The following DENND4C variants were observed in gnomAD, a reference collection of about 807,000 sequenced individuals.
DENND4C encodes DENN domain-containing protein 4C.
Under a neutral mutation model 203.0 loss-of-function variants are expected in DENND4C, and 108 were observed. The observed-to-expected ratio is 0.53, with a 90% CI of 0.46 to 0.62. DENND4C has a LOEUF of 0.62. DENND4C is among the 20% of genes least tolerant of loss of function. DENND4C has a pLI of 0.00. For missense variants in DENND4C, 2,481 were observed against 2,301.2 expected (o/e 1.08, Z -1.60); for synonymous variants, 871 against 792.4 (o/e 1.10, Z -1.67).
chr9:19,279,502 C>G (rs1833597203), intron 2 of DENND4C, among the ~76,000 whole-genome samples: 1 of 151,954 alleles, frequency 6.6e-6, no homozygotes, highest in Non-Finnish European at 1.5e-5. Context: ...TGGTGAAACC[C>G]CCTCTTTACT....
At chr9:19,256,515 G>A (rs1463331236) in intron 1 of DENND4C, among the ~76,000 whole-genome samples, 3 of 151,588 alleles carry the variant, frequency 2.0e-5, no homozygotes, top group African/African-American at 4.8e-5. Context: ...AGGTTTCTCT[G>A]TGTTGGTTAG....
At chr9:19,301,283 G>T (rs1310989938) in intron 9 of DENND4C, among the ~76,000 whole-genome samples, 1 of 152,006 alleles carries the variant, frequency 6.6e-6, no homozygotes, top group African/African-American at 2.4e-5. Flanking sequence ...TCACCCATTA[G>T]TTGTTTAATT....
chr9:19,345,958 AG>A lies in DENND4C; in HGVS notation c.3190del (p.Val1064LeufsTer58). On this transcript the variant is annotated frameshift_variant, in exon 23 of 33. Coordinates refer to ENST00000434457, the MANE Select transcript of DENND4C (RefSeq NM_001330640.2). LOFTEE classifies it high-confidence loss of function. ...SNVLFSTQDP[V>X]EDAVFGEATN... ...ATGTGCTGTTTTCTACTCAAGATCC[AG>A]TTGAAGATGCAGTCTTTGGCGAAGC... The A allele has an allele frequency of 1.2e-6, 2 of 1,613,816 alleles. No individual in the cohort carries two copies. Among genetic ancestry groups the A allele is most frequent in the Non-Finnish European group, 1.7e-6 (2 of 1,179,968 alleles).
intron 12 of DENND4C, among the ~76,000 whole-genome samples, chr9:19,320,088 T>A (rs1444693724): frequency 1.3e-5 from 2 of 152,174 alleles, no homozygotes; most frequent in Non-Finnish European, 2.9e-5. Flanking sequence ...AAATTTTAAA[T>A]TATTTTAGTA....
intron 8 of DENND4C, 114 bp from the exon 9 acceptor site, chr9:19,300,068 TAAGTA>T (rs1838243132): frequency 2.9e-6 from 3 of 1,027,360 alleles, no homozygotes; most frequent in Admixed American, 3.0e-5. Flanking sequence ...CATTGATAAA[TAAGTA>T]AAGACTAGAA....
At chr9:19,243,900 C>T (rs1256456651) in intron 1 of DENND4C, among the ~76,000 whole-genome samples, 2 of 152,210 alleles carry the variant, frequency 1.3e-5, no homozygotes, top group Non-Finnish European at 1.5e-5. Context: ...CAGCCTCGAC[C>T]TTCCAGGCTC....
At chr9:19,284,496 A>T (rs1834798745) in intron 2 of DENND4C, among the ~76,000 whole-genome samples, 1 of 152,202 alleles carries the variant, frequency 6.6e-6, no homozygotes. Context: ...GCTGGATTAA[A>T]AGATAAATGT....
chr9:19,285,295 C>G (rs1278276946), intron 2 of DENND4C, among the ~76,000 whole-genome samples: 1 of 152,064 alleles, frequency 6.6e-6, no homozygotes, highest in Admixed American at 6.6e-5. Flanking sequence ...GTTTTAACAG[C>G]TTTATGGAGA....
chr9:19,303,561 A>T (rs1309693915), intron 9 of DENND4C, among the ~76,000 whole-genome samples: 1 of 152,206 alleles, frequency 6.6e-6, no homozygotes, highest in African/African-American at 2.4e-5. Context: ...TATAAACCTC[A>T]TGAGGAGAGT....
rs138607993 is a variant in DENND4C, at chr9:19,326,128, A to C, written c.2054A>C (p.His685Pro). Reference sequence around the variant, plus strand: ...CTAGATGATTCACAGAAAAGTGAGCATACTGTATTTATAATGCCGCCAGAG... The same window carrying C: ...CTAGATGATTCACAGAAAAGTGAGCCTACTGTATTTATAATGCCGCCAGAG... ...IELDDSQKSE[H>P]TVFIMPPEPP... The change falls in exon 15 of 33, where the codon CAT becomes CCT. Residue 685 changes from histidine to proline, a missense_variant. Coordinates refer to ENST00000434457, the MANE Select transcript of DENND4C (RefSeq NM_001330640.2). 1.5e-5 allele frequency: 24 copies of C among 1,613,604 alleles called. No individual in the cohort carries two copies. In the East Asian group the frequency reaches 5.4e-4, roughly 36 times the overall value.
At chr9:19,351,565 C>T (rs936217265) in intron 24 of DENND4C, among the ~76,000 whole-genome samples, 5 of 151,962 alleles carry the variant, frequency 3.3e-5, no homozygotes, top group Non-Finnish European at 5.9e-5. Context: ...CCTAGCACTT[C>T]GGGAGGCAAG....
chr9:19,318,559 A>G (rs943055629), intron 12 of DENND4C, among the ~76,000 whole-genome samples: 1 of 152,232 alleles, frequency 6.6e-6, no homozygotes, highest in Non-Finnish European at 1.5e-5. Flanking sequence ...TGGGGCTGCC[A>G]TAACAAAGTA....
At chr9:19,271,375 AT>A (rs1831630881) in intron 1 of DENND4C, among the ~76,000 whole-genome samples, 1 of 151,796 alleles carries the variant, frequency 6.6e-6, no homozygotes, top group Non-Finnish European at 1.5e-5. Context: ...AATGTTTTGT[AT>A]TTTTAGTAAA....
At chr9:19,298,726 C>T (rs1054816104) in intron 7 of DENND4C, among the ~76,000 whole-genome samples, 1 of 152,150 alleles carries the variant, frequency 6.6e-6, no homozygotes, top group Non-Finnish European at 1.5e-5. Flanking sequence ...TAACAATTAA[C>T]TTACTGACAT....
chr9:19,296,189 T>G lies in DENND4C; in HGVS notation c.983T>G (p.Phe328Cys). ...HWPFFEAFRK[F>C]LMFIYKLSVS... ...CCTTTTTTTGAAGCTTTTAGGAAAT[T>G]TCTTATGTTTATCTACAAACTTTCT... is the stretch of plus-strand genomic sequence containing the variant. Residue 328 changes from phenylalanine (F) to cysteine (C), a missense_variant, in exon 6 of 33, where the codon TTT (phenylalanine) becomes TGT (cysteine). By Grantham distance (205) the Phe-to-Cys change is radical. Transcript: ENST00000434457. The G allele has an allele frequency of 1.2e-6, 2 of 1,613,900 alleles. No individual in the cohort carries two copies. The highest frequency in any genetic ancestry group is 1.7e-6 in the Non-Finnish European group (2 of 1,179,926).
intron 30 of DENND4C, among the ~76,000 whole-genome samples, chr9:19,367,105 A>G (rs558115787): frequency 5.5e-4 from 83 of 152,244 alleles, no homozygotes; most frequent in Non-Finnish European, 9.7e-4. Flanking sequence ...GCTCAACAGC[A>G]CTAGCTGTCA....
Position 19,230,708 on chromosome 9 carries a change from G to C in DENND4C, c.-143G>C, listed in dbSNP as rs1223538149. ...GCGCAGGCGCAGACCGGACTGAGGCGGCGGCGGCCGCTGGAGCTAGTCCCC... is the reference window on the plus strand; with the variant it reads ...GCGCAGGCGCAGACCGGACTGAGGCCGCGGCGGCCGCTGGAGCTAGTCCCC... On this transcript the variant is annotated 5_prime_UTR_variant, in exon 1 of 33. Coordinates refer to ENST00000434457, the MANE Select transcript of DENND4C (RefSeq NM_001330640.2). 6.6e-6 allele frequency: 1 copy of C among 152,196 alleles called. No homozygotes were observed. The highest frequency in any genetic ancestry group is 1.5e-5 in the Non-Finnish European group (1 of 68,072). 9.4% of individuals were successfully genotyped at this position (152,196 alleles called of 1,614,324 possible).
intron 5 of DENND4C, among the ~76,000 whole-genome samples, chr9:19,291,965 A>G (rs1836412264): frequency 6.6e-6 from 1 of 152,074 alleles, no homozygotes. Context: ...TTCAGGTTAA[A>G]GATGTACTCT....
intron 5 of DENND4C, 28 bp downstream of exon 5, chr9:19,290,904 C>T (rs1245958914): frequency 6.3e-6 from 10 of 1,585,008 alleles, no homozygotes; most frequent in Non-Finnish European, 8.6e-6. Context: ...TGATTAAACA[C>T]ATTTTGTCCA....
Sources: gnomAD v4.1 joint callset for allele counts (sites outside exome capture counted in the v4.1 genomes callset) on GRCh38, gnomAD v4.1.1 for gene constraint, MANE v1.5 for transcripts, NCBI Gene and HGNC (gene_info 2026-07-23, HGNC 2026-07-21) for gene names.